The following TOR3A variants were observed in gnomAD, a reference collection of about 807,000 sequenced individuals.
TOR3A encodes the protein torsin family 3 member A.
In TOR3A, 44 loss-of-function variants were observed where a neutral mutation model predicts 42.1. That is an observed-to-expected ratio of 1.04 (90% confidence interval 0.82 to 1.34). The LOEUF (loss-of-function observed/expected upper bound fraction) is 1.34. TOR3A is among the 40% of genes most tolerant of loss of function. The probability of loss-of-function intolerance (pLI) is 0.00; values close to 1 mark genes in which losing one functional copy is unlikely to be tolerated. For synonymous variants in TOR3A, 227 were observed against 213.2 expected (o/e 1.06, Z -0.57); for missense variants, 521 against 507.6 (o/e 1.03, Z -0.25).
chr1:179,095,055 G>A lies in TOR3A; in HGVS notation c.1031G>A (p.Arg344Lys), dbSNP rs373736987. 3.1e-6 allele frequency: 5 copies of A among 1,614,078 alleles called. No individual in the cohort carries two copies. Among genetic ancestry groups the A allele is most frequent in the East Asian group, 4.5e-5 (2 of 44,898 alleles). ...CTGCCTTTGGAGTACCGTCACGTGA[G>A]GCTGTGTGCACGGGATGCCTTCCTG... ...PFLPLEYRHV[R>K]LCARDAFLSQ... The change falls in exon 6 of 6, where the codon AGG (arginine) becomes AAG (lysine). Residue 344 changes from arginine to lysine, a missense_variant. Transcript: ENST00000367627.
chr1:179,095,827 G>A lies in TOR3A; in HGVS notation c.*609G>A. 1 of 986,780 alleles carries A rather than the reference G, an allele frequency of 1.0e-6. No individual in the cohort carries two copies. Among genetic ancestry groups the A allele is most frequent in the Non-Finnish European group, 1.2e-6 (1 of 831,066 alleles). 61.1% of individuals were successfully genotyped at this position (986,780 alleles called of 1,614,324 possible). A position where few individuals can be genotyped will look rare whatever the true frequency, so the allele number is the denominator to read the frequency against. On this transcript the variant is annotated 3_prime_UTR_variant, in exon 6 of 6. Coordinates refer to ENST00000367627, the MANE Select transcript of TOR3A (RefSeq NM_022371.4). Reference sequence around the variant, plus strand: ...AATCAGCCAAGAGCCTGAGGCTGAAGGGAAAAGTACACAGAGGAAGATATT... The same window carrying A: ...AATCAGCCAAGAGCCTGAGGCTGAAAGGAAAAGTACACAGAGGAAGATATT...
rs562516075 is a variant in TOR3A, at chr1:179,086,151, G to A, written c.639+258G>A. On this transcript the variant is annotated intron_variant, in intron 3 of 5. Coordinates refer to ENST00000367627, the MANE Select transcript of TOR3A (RefSeq NM_022371.4). The stretch of plus-strand genomic sequence containing the variant: ...CTGGACACTGCGCTTAAGCAGGGAC[G>A]CTGCATGTTGATTTTTGTTGTAGAA... Among the ~76,000 whole-genome samples, 42 of 152,350 alleles carry A rather than the reference G, an allele frequency of 2.8e-4. No homozygotes were observed. In the South Asian group the frequency reaches 5.0e-3, roughly 18 times the overall value.
rs756775503 is a variant in TOR3A at position 179,085,802 on chromosome 1, A to G, written c.548A>G (p.Asn183Ser). ...TTCGTGGCACGGATGCTGGTGGAGA[A>G]CCTGTATCGGGACGGGCTGATGAGT... ...KNFVARMLVE[N>S]LYRDGLMSDC... Residue 183 changes from asparagine to serine, a missense_variant, in exon 3 of 6, where the codon AAC becomes AGC. By Grantham distance (46) the Asn-to-Ser change is conservative. Coordinates refer to ENST00000367627, the MANE Select transcript of TOR3A (RefSeq NM_022371.4). 11 of 1,614,174 alleles carry G rather than the reference A, an allele frequency of 6.8e-6. No homozygotes were observed. Among genetic ancestry groups the G allele is most frequent in the Middle Eastern group, 1.6e-4 (1 of 6,062 alleles).
rs368147055 is a variant in TOR3A at position 179,094,215 on chromosome 1, T to C, written c.941T>C (p.Ile314Thr). The change falls in exon 5 of 6, where the codon ATA (isoleucine) becomes ACA (threonine). Residue 314 changes from isoleucine (I) to threonine (T), a missense_variant and splice_region_variant. Coordinates refer to ENST00000367627, the MANE Select transcript of TOR3A (RefSeq NM_022371.4). ...PHLQAEIVET[I>T]DNGFGHSRLV... Reference sequence around the variant, plus strand: ...CTCCAGGCGGAGATTGTGGAGACCATAGGTGAGTAACTGACTCAATATGCC... The same window carrying C: ...CTCCAGGCGGAGATTGTGGAGACCACAGGTGAGTAACTGACTCAATATGCC... 116 of 1,612,268 alleles carry C rather than the reference T, an allele frequency of 7.2e-5. No homozygotes were observed. The Middle Eastern group carries it at 8.3e-4, about 11-fold the overall frequency.
intron 4 of TOR3A, among the ~76,000 whole-genome samples, chr1:179,093,131 G>A (rs1652638813): frequency 6.6e-6 from 1 of 152,176 alleles, no homozygotes; most frequent in Non-Finnish European, 1.5e-5. Context: ...AGTGAGGTGG[G>A]GGAGAAGTAT....
chr1:179,091,698 T>C (rs1652586142), intron 4 of TOR3A: 1 of 152,342 alleles, frequency 6.6e-6, no homozygotes, highest in Non-Finnish European at 1.5e-5. Flanking sequence ...CTGGAGTCCA[T>C]GCCCCTAGGA....
At chr1:179,094,467 C>T (rs1572578113) in intron 5 of TOR3A, among the ~76,000 whole-genome samples, 1 of 152,302 alleles carries the variant, frequency 6.6e-6, no homozygotes, top group Middle Eastern at 3.4e-3. Flanking sequence ...TCTCTGAAGC[C>T]TGAGACTCTG....
At chr1:179,086,024 A>C in intron 3 of TOR3A, 131 bp downstream of exon 3, 4 of 1,139,526 alleles carry the variant, frequency 3.5e-6, no homozygotes, top group Non-Finnish European at 4.9e-6. Context: ...CCTGTGACAG[A>C]GCCACTCCGT....
rs546526269 is a variant in TOR3A, at chr1:179,082,443, C to T, written c.259+56C>T. ...GCTGCGGAGCAGAGTGCGATCCGGG[C>T]GCGGCTGTGGTCGCCTCGCTCCTGT... On this transcript the variant is annotated intron_variant, in intron 1 of 5. Transcript: ENST00000367627. The T allele has an allele frequency of 3.0e-3, 4,663 of 1,545,670 alleles. 3 individuals are homozygous for T. The highest frequency in any genetic ancestry group is 3.3e-3 in the Non-Finnish European group (3,822 of 1,151,656).
chr1:179,092,347 G>A (rs772662618), intron 4 of TOR3A, among the ~76,000 whole-genome samples: 2 of 152,196 alleles, frequency 1.3e-5, no homozygotes, highest in Non-Finnish European at 2.9e-5. Context: ...GAGGGAAAGA[G>A]ATGGAGATAC....
At chr1:179,093,978 C>A in intron 4 of TOR3A, 115 bp from the exon 5 acceptor site, 1 of 1,329,382 alleles carries the variant, frequency 7.5e-7, no homozygotes, top group Non-Finnish European at 1.0e-6. Flanking sequence ...GAGAGAAGGT[C>A]CACGCCCCTC....
At chr1:179,087,874 T>G in intron 3 of TOR3A, 37 bp from the exon 4 acceptor site, 2 of 1,498,792 alleles carry the variant, frequency 1.3e-6, no homozygotes, top group African/African-American at 1.4e-5. Context: ...GTGGAAGGAG[T>G]CACCACTTCC....
chr1:179,085,766 C>T lies in TOR3A; in HGVS notation c.512C>T (p.Thr171Ile). 6.2e-7 allele frequency: 1 copy of T among 1,614,190 alleles called. No individual in the cohort carries two copies. The highest frequency in any genetic ancestry group is 8.5e-7 in the Non-Finnish European group (1 of 1,180,048). The change falls in exon 3 of 6, where the codon ACA becomes ATA. Residue 171 changes from threonine (T) to isoleucine (I), a missense_variant. Transcript: ENST00000367627. ...LALSFHGWSGTGKNFVARMLV... is the reference protein window; with the variant it reads ...LALSFHGWSGIGKNFVARMLV... ...CTGTCGTTCCACGGCTGGTCTGGCA[C>T]AGGCAAGAACTTCGTGGCACGGATG...
Position 179,094,232 on chromosome 1 carries a change from CAA to C in TOR3A, c.943+16_943+17del. 1 of 1,607,370 alleles carries C rather than the reference CAA, an allele frequency of 6.2e-7. No individual in the cohort carries two copies. The highest frequency in any genetic ancestry group is 1.1e-5 in the South Asian group (1 of 89,672). ...GGAGACCATAGGTGAGTAACTGACT[CAA>C]TATGCCTCTGGTGAGAGCCACAGCT... is the stretch of plus-strand genomic sequence containing the variant. On this transcript the variant is annotated intron_variant, in intron 5 of 5. Transcript: ENST00000367627.
At chr1:179,082,518 C>A in intron 1 of TOR3A, 131 bp downstream of exon 1, 1 of 1,341,314 alleles carries the variant, frequency 7.5e-7, no homozygotes, top group Non-Finnish European at 1.0e-6. Flanking sequence ...CCGCCGGTAC[C>A]GGCTGTGGGC....
chr1:179,084,347 C>T (rs894326209), intron 2 of TOR3A, among the ~76,000 whole-genome samples: 3 of 152,172 alleles, frequency 2.0e-5, no homozygotes, highest in African/African-American at 7.2e-5. Context: ...TTCCCTCAGC[C>T]TCCCGAGTGG....
intron 4 of TOR3A, 125 bp from the exon 5 acceptor site, chr1:179,093,968 G>C (rs1481665928): frequency 8.0e-7 from 1 of 1,245,470 alleles, no homozygotes; most frequent in Non-Finnish European, 1.1e-6. Flanking sequence ...TCCTGGAAGA[G>C]AGAGAAGGTC....
intron 4 of TOR3A, among the ~76,000 whole-genome samples, chr1:179,092,343 A>AAG (rs1652613718): frequency 6.6e-6 from 1 of 152,124 alleles, no homozygotes; most frequent in African/African-American, 2.4e-5. Flanking sequence ...TAAGGAGGGA[A>AAG]AGAGATGGAG....
At chr1:179,086,156 A>G (rs1439988614) in intron 3 of TOR3A, among the ~76,000 whole-genome samples, 2 of 152,238 alleles carry the variant, frequency 1.3e-5, no homozygotes, top group Non-Finnish European at 2.9e-5. Flanking sequence ...GGGACGCTGC[A>G]TGTTGATTTT....
Sources: gnomAD v4.1 joint callset for allele counts (sites outside exome capture counted in the v4.1 genomes callset) on GRCh38, gnomAD v4.1.1 for gene constraint, MANE v1.5 for transcripts, NCBI Gene and HGNC (gene_info 2026-07-23, HGNC 2026-07-21) for gene names.